The following MUC4 variants were observed in gnomAD, a reference collection of about 807,000 sequenced individuals.
MUC4 encodes the protein mucin-4.
MUC4 carries 202 observed loss-of-function variants against 257.9 expected under a neutral mutation model. The observed-to-expected ratio is 0.78, with a 90% confidence interval of 0.70 to 0.88. The LOEUF (loss-of-function observed/expected upper bound fraction) is 0.88. MUC4 is among the 40% of genes least tolerant of loss of function. The pLI is 0.00. For synonymous variants in MUC4, 2,351 were observed against 2,757.1 expected (o/e 0.85, Z 4.62); for missense variants, 5,976 against 6,513.7 (o/e 0.92, Z 2.84).
intron 1 of MUC4, among the ~76,000 whole-genome samples, chr3:195,806,734 C>A (rs1405066803): frequency 2.0e-5 from 3 of 152,172 alleles, no homozygotes; most frequent in Non-Finnish European, 4.4e-5. Flanking sequence ...AGTCAGGAGA[C>A]CTGGGTTCTA....
chr3:195,766,511 C>T (rs984379564), intron 8 of MUC4, 152 bp downstream of exon 8: 11 of 686,424 alleles, frequency 1.6e-5, no homozygotes, highest in African/African-American at 3.6e-5. Context: ...CCACATCCCA[C>T]CTAGACCTGT....
In MUC4 at chr3:195,755,863, CTGTG is replaced by C. The variant is rs776787877; in HGVS notation, c.15168+1280_15168+1283del. ...GCTTCAGAAGGATGTGTGTGTGTGT[CTGTG>C]TGTGCGTGTGCATGCGTGTGTGTGT... On this transcript the variant is annotated intron_variant, in intron 18 of 24. Transcript: ENST00000463781. The surrounding 1 kb of genome is among the most constrained non-coding windows in gnomAD (Gnocchi z 5.0). Among the ~76,000 whole-genome samples the C allele has an allele frequency of 1.3e-5, 2 of 151,972 alleles. No homozygotes were observed. The highest frequency in any genetic ancestry group is 2.4e-5 in the African/African-American group (1 of 41,388).
chr3:195,762,767 C>T, intron 13 of MUC4, 88 bp downstream of exon 13: 2 of 1,257,394 alleles, frequency 1.6e-6, no homozygotes, highest in African/African-American at 1.6e-5. Flanking sequence ...TGCACCGCCA[C>T]GCGCCCGGCC....
chr3:195,779,429 C>A lies in MUC4; in HGVS notation c.12151G>T (p.Val4051Phe), dbSNP rs1375464652. The change falls in exon 2 of 25, where the codon GTC becomes TTC. Residue 4051 changes from valine to phenylalanine, a missense_variant. By Grantham distance (50) the Val-to-Phe change is conservative (BLOSUM62 -1). Around this residue, in one of 44 missense-constraint regions of MUC4, gnomAD observed 293 missense variants for 294.5 expected, o/e 1.00. Coordinates refer to ENST00000463781, the MANE Select transcript of MUC4 (RefSeq NM_018406.7). ...ASTGDTTPLP[V>F]TNASSLSTGH... ...GTGGATAATGAGGAAGCATTGGTGA[C>A]AGGAAGAGGGGTGGTGTCACCTGTG... The A allele has an allele frequency of 4.4e-6, 4 of 906,448 alleles. No individual in the cohort carries two copies. The highest frequency in any genetic ancestry group is 2.3e-5 in the African/African-American group (1 of 43,908). The allele number at this position is 906,448 out of a possible 1,614,324, so 56.2% of individuals were successfully genotyped here.
At chr3:195,761,839 G>C (rs369105586) in intron 14 of MUC4, among the ~76,000 whole-genome samples, 1 of 152,100 alleles carries the variant, frequency 6.6e-6, no homozygotes, top group African/African-American at 2.4e-5. Flanking sequence ...AGGGAGAAAG[G>C]ATGGCTGTGC....
chr3:195,752,882 C>T (rs543343517), intron 20 of MUC4, among the ~76,000 whole-genome samples, 169 bp downstream of exon 20: 26 of 152,242 alleles, frequency 1.7e-4, no homozygotes, highest in African/African-American at 6.3e-4. Context: ...TGACAGCTTG[C>T]CTCGCCAGCT....
At position 195,811,330 on chromosome 3, in the gene MUC4, C is replaced by A. The variant is rs190628623; in HGVS notation, c.82+406G>T. On this transcript the variant is annotated intron_variant, in intron 1 of 24. Coordinates refer to ENST00000463781, the MANE Select transcript of MUC4 (RefSeq NM_018406.7). ...CTGGAATTACAGGTGGGGCCCACCA[C>A]GACCGGCTAATTTTTGTATATTTAG... 1.1e-4 allele frequency among the ~76,000 whole-genome samples: 16 copies of A among 152,046 alleles called. 1 individual carries two copies. The East Asian group carries it at 2.7e-3, about 26-fold the overall frequency.
chr3:195,787,925 C>G lies in MUC4; in HGVS notation c.3655G>C (p.Val1219Leu). Residue 1219 changes from valine to leucine, a missense_variant, in exon 2 of 25, where the codon GTC (valine) becomes CTC (leucine). Around this residue, in one of 44 missense-constraint regions of MUC4, gnomAD observed 90 missense variants for 106.2 expected, o/e 0.85. Coordinates refer to ENST00000463781, the MANE Select transcript of MUC4 (RefSeq NM_018406.7). ...GTGGACACTGAGGAAGCGTCGGTGACAGGAAGAGGGGTGGCGTGTCCTGTG... is the reference window on the plus strand; with the variant it reads ...GTGGACACTGAGGAAGCGTCGGTGAGAGGAAGAGGGGTGGCGTGTCCTGTG... ...ASTGHATPLP[V>L]TDASSVSTDH... 1 of 986,896 alleles carries G rather than the reference C, an allele frequency of 1.0e-6. No homozygotes were observed. The highest frequency in any genetic ancestry group is 1.5e-5 in the South Asian group (1 of 66,972). The allele number at this position is 986,896 out of a possible 1,614,324, so 61.1% of individuals were successfully genotyped here. A position where few individuals can be genotyped will look rare whatever the true frequency, so the allele number is the denominator to read the frequency against.
intron 1 of MUC4, 73 bp from the exon 2 acceptor site, chr3:195,791,570 G>A (rs1733874303): frequency 1.1e-6 from 1 of 933,176 alleles, no homozygotes; most frequent in Non-Finnish European, 1.7e-6. Context: ...GCTACAAATA[G>A]AATAAAATAC....
chr3:195,761,873 C>A (rs1052174683), intron 14 of MUC4, among the ~76,000 whole-genome samples: 1 of 152,178 alleles, frequency 6.6e-6, no homozygotes, highest in Admixed American at 6.5e-5. Context: ...GCAGCCCCCC[C>A]TGATGCTCCC....
chr3:195,755,241 G>A lies in MUC4; in HGVS notation c.15169-869C>T, dbSNP rs563112353. On this transcript the variant is annotated intron_variant, in intron 18 of 24. Transcript: ENST00000463781. This position sits in a 1 kb window ranked among gnomAD's most constrained non-coding sequence, Gnocchi z 5.0. ...GAGACAGTCTCGTTCTGTTTCCCAC[G>A]CTGCAGTGCAGTGTCTCGATCTCGG... Among the ~76,000 whole-genome samples, 6 of 151,076 alleles carry A rather than the reference G, an allele frequency of 4.0e-5. No homozygotes were observed. Among genetic ancestry groups the A allele is most frequent in the African/African-American group, 1.5e-4 (6 of 41,078 alleles).
At position 195,783,379 on chromosome 3, in the gene MUC4, G is replaced by T; in HGVS notation, c.8201C>A (p.Thr2734Asn). ...TDTSSSSTGD[T>N]TPLLVTETSS... ...AGTCTCGGTGACAAGAAGAGGGGTG[G>T]TGTCACCTGTGGATGATGAGGAAGT... Residue 2734 changes from threonine to asparagine, a missense_variant, in exon 2 of 25, where the codon ACC becomes AAC. Thr to Asn is a moderately conservative substitution (Grantham distance 65). Around this residue, in one of 44 missense-constraint regions of MUC4, gnomAD observed 75 missense variants for 58.7 expected, o/e 1.28. Coordinates refer to ENST00000463781, the MANE Select transcript of MUC4 (RefSeq NM_018406.7). 9.9e-7 allele frequency: 1 copy of T among 1,012,544 alleles called. No homozygotes were observed. The highest frequency in any genetic ancestry group is 1.3e-6 in the Non-Finnish European group (1 of 745,064). 62.7% of individuals were successfully genotyped at this position (1,012,544 alleles called of 1,614,324 possible).
At position 195,789,016 on chromosome 3, in the gene MUC4, C is replaced by T; in HGVS notation, c.2564G>A (p.Gly855Asp). ...CATTCCTGTGCTTACTGGGATGGCA[C>T]CATGACTGGCTGAGGCGGACAGCAA... ...TELLSASASHGAIPVSTGMAS... is the reference protein window; with the variant it reads ...TELLSASASHDAIPVSTGMAS... The change falls in exon 2 of 25, where the codon GGT becomes GAT. Residue 855 changes from glycine to aspartate, a missense_variant. Physicochemically the swap from Gly to Asp is moderately conservative, Grantham distance 94 (BLOSUM62 -1). Transcript: ENST00000463781. 1.2e-6 allele frequency: 2 copies of T among 1,613,774 alleles called. No homozygotes were observed. The highest frequency in any genetic ancestry group is 1.3e-5 in the African/African-American group (1 of 74,964).
intron 3 of MUC4, 50 bp from the exon 4 acceptor site, chr3:195,774,355 T>C (rs1723864690): frequency 6.8e-7 from 1 of 1,479,316 alleles, no homozygotes; most frequent in African/African-American, 1.5e-5. Flanking sequence ...CTGGGCCTTC[T>C]TTAGGGCTGA....
intron 19 of MUC4, 183 bp from the exon 20 acceptor site, chr3:195,753,413 G>A (rs574879512): frequency 2.9e-5 from 17 of 593,874 alleles, no homozygotes; most frequent in East Asian, 9.4e-5. Flanking sequence ...CCCTTTCCCC[G>A]GCCAGACAGG....
Position 195,785,792 on chromosome 3 carries a change from A to G in MUC4, c.5788T>C (p.Ser1930Pro), listed in dbSNP as rs77235952. 2,231 of 1,492,424 alleles carry G rather than the reference A, an allele frequency of 1.5e-3. 103 individuals are homozygous for G. In the African/African-American group the frequency reaches 0.025, roughly 17 times the overall value. 92.4% of individuals were successfully genotyped at this position (1,492,424 alleles called of 1,614,324 possible). ...GGAAGAGGCGTGGTGTCACCTGTGG[A>G]TGCTGAGGAAAGGCTGGTGACAGGA... is the stretch of plus-strand genomic sequence containing the variant. ...SLPVTSLSSASTGDTTPLPVT... is the reference protein window; with the variant it reads ...SLPVTSLSSAPTGDTTPLPVT... Residue 1930 changes from serine to proline, a missense_variant, in exon 2 of 25, where the codon TCC (serine) becomes CCC (proline). By Grantham distance (74) the Ser-to-Pro change is moderately conservative. Coordinates refer to ENST00000463781, the MANE Select transcript of MUC4 (RefSeq NM_018406.7).
At position 195,778,711 on chromosome 3, in the gene MUC4, G is replaced by C. The variant is rs1168296085; in HGVS notation, c.12790+79C>G. The C allele has an allele frequency of 5.5e-6, 8 of 1,442,350 alleles. No homozygotes were observed. In the Admixed American group the frequency reaches 6.3e-5, roughly 11 times the overall value. 89.3% of individuals were successfully genotyped at this position (1,442,350 alleles called of 1,614,324 possible). A position where few individuals can be genotyped will look rare whatever the true frequency, so the allele number is the denominator to read the frequency against. On this transcript the variant is annotated intron_variant, in intron 2 of 24. Coordinates refer to ENST00000463781, the MANE Select transcript of MUC4 (RefSeq NM_018406.7). ...CCCACCAGGTAATGCGAATGCACCAGTGTTCTCAGGTACTCCTTAGGCTGA... is the reference window on the plus strand; with the variant it reads ...CCCACCAGGTAATGCGAATGCACCACTGTTCTCAGGTACTCCTTAGGCTGA...
Position 195,811,854 on chromosome 3 carries a change from C to A in MUC4, c.-37G>T, listed in dbSNP as rs112317806. On this transcript the variant is annotated 5_prime_UTR_variant, in exon 1 of 25. Transcript: ENST00000463781. ...AAGTCCCCCTGGCTCCCTGGGGAAG[C>A]TCCACGGCCCAGCAGCTGCAGTGTG... 6,027 of 1,600,382 alleles carry A rather than the reference C, an allele frequency of 3.8e-3. 12 individuals are homozygous for A. The highest frequency in any genetic ancestry group is 4.4e-3 in the Non-Finnish European group (5,176 of 1,168,994).
At position 195,751,281 on chromosome 3, in the gene MUC4, A is replaced by G; in HGVS notation, c.15583-10T>C. ...CCAGTCTGTATGCCACCTAGGTTAGAGGATGGCAGATGGGGGTGGGGGTGA... is the reference window on the plus strand; with the variant it reads ...CCAGTCTGTATGCCACCTAGGTTAGGGGATGGCAGATGGGGGTGGGGGTGA... On this transcript the variant is annotated splice_polypyrimidine_tract_variant and intron_variant, in intron 21 of 24. Coordinates refer to ENST00000463781, the MANE Select transcript of MUC4 (RefSeq NM_018406.7). 6.3e-7 allele frequency: 1 copy of G among 1,598,176 alleles called. No homozygotes were observed. Among genetic ancestry groups the G allele is most frequent in the African/African-American group, 1.3e-5 (1 of 74,606 alleles).
Sources: gnomAD v4.1 joint callset for allele counts (sites outside exome capture counted in the v4.1 genomes callset) on GRCh38, gnomAD v4.1.1 for gene constraint, gnomAD v4.1.1 regional missense constraint, Gnocchi (gnomAD v3.1) non-coding constraint, MANE v1.5 for transcripts, NCBI Gene and HGNC (gene_info 2026-07-23, HGNC 2026-07-21) for gene names.